LMO2: variants seen among roughly 807,000 people sequenced by gnomAD.
LMO2 encodes LIM domain only 2, also known as rhombotin-2.
Under a neutral mutation model 23.2 loss-of-function variants are expected in LMO2, and 20 were observed. That is an observed-to-expected ratio of 0.86 (90% CI 0.61 to 1.25). The LOEUF (loss-of-function observed/expected upper bound fraction) is 1.25. Among genes scored for constraint, LMO2 ranks in the 50% most tolerant of loss-of-function variants. The pLI is 0.00. For missense variants in LMO2, 270 were observed against 315.3 expected (o/e 0.86, Z 1.09); for synonymous variants, 123 against 130.2 (o/e 0.94, Z 0.38).
intron 1 of LMO2, among the ~76,000 whole-genome samples, chr11:33,891,335 G>C (rs1195294137): frequency 7.1e-6 from 1 of 141,072 alleles, no homozygotes; most frequent in Non-Finnish European, 1.5e-5. Flanking sequence ...ATTGCCTAAG[G>C]TTGTTAGGCA....
rs577723913 is a variant in LMO2, at chr11:33,891,790, C to G, written c.-336+5G>C. On this transcript the variant is annotated splice_donor_5th_base_variant and intron_variant, in intron 1 of 5. Transcript: ENST00000257818. ...TTCATCAGAGAATTAATGAAGCCTA[C>G]TCACCAGCAGATGATGTAATCCTGG... 2 of 152,188 alleles carry G rather than the reference C, an allele frequency of 1.3e-5. No individual in the cohort carries two copies. The highest frequency in any genetic ancestry group is 2.9e-5 in the Non-Finnish European group (2 of 68,050). 9.4% of individuals were successfully genotyped at this position (152,188 alleles called of 1,614,324 possible). A position where few individuals can be genotyped will look rare whatever the true frequency, so the allele number is the denominator to read the frequency against.
rs967369301 is a variant in LMO2 at position 33,864,976 on chromosome 11, A to T, written c.249-159T>A. The stretch of plus-strand genomic sequence containing the variant: ...AACACATCCCTTGGCCAGACTGCAG[A>T]GTCCCAACCAACCTTGGGTTAAGAC... On this transcript the variant is annotated intron_variant, in intron 4 of 5. Transcript: ENST00000257818. The surrounding 1 kb of genome is among the most constrained non-coding windows in gnomAD (Gnocchi z 4.8). 4.4e-6 allele frequency: 3 copies of T among 687,276 alleles called. No individual in the cohort carries two copies. The highest frequency in any genetic ancestry group is 7.8e-6 in the Non-Finnish European group (3 of 384,182). 42.6% of individuals were successfully genotyped at this position (687,276 alleles called of 1,614,324 possible). A position where few individuals can be genotyped will look rare whatever the true frequency, so the allele number is the denominator to read the frequency against.
intron 2 of LMO2, 68 bp from the exon 3 acceptor site, chr11:33,870,055 T>A: frequency 1.6e-5 from 7 of 442,540 alleles, no homozygotes; most frequent in African/African-American, 2.2e-5. Context: ...TCCCCCCACC[T>A]CCCCTTTTTT....
Position 33,873,624 on chromosome 11 carries a change from T to A in LMO2, c.-271-3637A>T, listed in dbSNP as rs1435232020. ...GGTTCTTTTAAAAGTTGAGAAAATCTCTATTTGATCCCTGCCAGTGGGACT... is the reference window on the plus strand; with the variant it reads ...GGTTCTTTTAAAAGTTGAGAAAATCACTATTTGATCCCTGCCAGTGGGACT... On this transcript the variant is annotated intron_variant, in intron 2 of 5. Coordinates refer to ENST00000257818, the MANE Select transcript of LMO2 (RefSeq NM_005574.4). Among the ~76,000 whole-genome samples, 2 of 152,204 alleles carry A rather than the reference T, an allele frequency of 1.3e-5. 1 individual carries two copies. Among genetic ancestry groups the A allele is most frequent in the East Asian group, 3.8e-4 (2 of 5,198 alleles).
At chr11:33,863,033 G>A (rs769801214) in intron 5 of LMO2, among the ~76,000 whole-genome samples, 10 of 151,834 alleles carry the variant, frequency 6.6e-5, no homozygotes, top group African/African-American at 9.7e-5. Flanking sequence ...TATATAAAAC[G>A]GTAGAGATAG....
At position 33,891,381 on chromosome 11, in the gene LMO2, A is replaced by G. The variant is rs11032441; in HGVS notation, c.-336+414T>C. On this transcript the variant is annotated intron_variant, in intron 1 of 5. Transcript: ENST00000257818. ...CACACACACACACACACACACACAC[A>G]CACACACATGCACACACACTCACAC... Among the ~76,000 whole-genome samples, 224 of 126,906 alleles carry G rather than the reference A, an allele frequency of 1.8e-3. 2 individuals carry two copies. The highest frequency in any genetic ancestry group is 6.1e-3 in the African/African-American group (198 of 32,416). 83.3% of individuals were successfully genotyped at this position (126,906 alleles called of 152,430 possible). A position where few individuals can be genotyped will look rare whatever the true frequency, so the allele number is the denominator to read the frequency against.
At chr11:33,885,916 C>G (rs894063870) in intron 1 of LMO2, among the ~76,000 whole-genome samples, 1 of 152,056 alleles carries the variant, frequency 6.6e-6, no homozygotes, top group African/African-American at 2.4e-5. Context: ...GCTCTTGTCA[C>G]CTAGGCTGGA....
At chr11:33,873,024 C>T (rs1456555885) in intron 2 of LMO2, among the ~76,000 whole-genome samples, 3 of 152,132 alleles carry the variant, frequency 2.0e-5, no homozygotes, top group African/African-American at 7.2e-5. Context: ...CAGCCTCCCA[C>T]AGTGCTGGGA....
chr11:33,864,488 T>C lies in LMO2; in HGVS notation c.464+114A>G, dbSNP rs974227690. Reference sequence around the variant, plus strand: ...CAGCCTCTGCAGTCTGACCTCTTTCTATAGGTGGTGTCCGAGCCTGGAGCA... The same window carrying C: ...CAGCCTCTGCAGTCTGACCTCTTTCCATAGGTGGTGTCCGAGCCTGGAGCA... On this transcript the variant is annotated intron_variant, in intron 5 of 5. Transcript: ENST00000257818. The surrounding 1 kb of genome is among the most constrained non-coding windows in gnomAD (Gnocchi z 4.8). The C allele has an allele frequency of 9.2e-5, 72 of 784,700 alleles. No individual in the cohort carries two copies. Among genetic ancestry groups the C allele is most frequent in the Non-Finnish European group, 1.0e-4 (49 of 491,672 alleles). 48.6% of individuals were successfully genotyped at this position (784,700 alleles called of 1,614,324 possible).
chr11:33,880,644 G>C lies in LMO2; in HGVS notation c.-272+1180C>G, dbSNP rs1467187663. On this transcript the variant is annotated intron_variant, in intron 2 of 5. Coordinates refer to ENST00000257818, the MANE Select transcript of LMO2 (RefSeq NM_005574.4). The surrounding 1 kb of genome is among the most constrained non-coding windows in gnomAD (Gnocchi z 4.3). ...TTAATGCCACTGAACTGTACCCTTG[G>C]GAGTGGTTAAATGTTAAATTTTACG... 6.4e-6 allele frequency: 1 copy of C among 157,240 alleles called. No homozygotes were observed. Among genetic ancestry groups the C allele is most frequent in the Non-Finnish European group, 1.4e-5 (1 of 71,182 alleles). The allele number at this position is 157,240 out of a possible 1,614,324, so 9.7% of individuals were successfully genotyped here.
intron 2 of LMO2, among the ~76,000 whole-genome samples, chr11:33,874,530 T>G (rs1321363705): frequency 2.0e-5 from 3 of 152,244 alleles, no homozygotes; most frequent in Non-Finnish European, 4.4e-5. Context: ...AAAAATACTT[T>G]GCACAGTGAT....
chr11:33,859,691 G>C (rs1590625087), intron 5 of LMO2, 116 bp from the exon 6 acceptor site: 1 of 887,986 alleles, frequency 1.1e-6, no homozygotes, highest in East Asian at 2.6e-5. Context: ...GGAAGCCAGG[G>C]AAGGTCGGCT....
intron 1 of LMO2, among the ~76,000 whole-genome samples, chr11:33,883,019 A>G (rs778563622): frequency 2.0e-5 from 3 of 152,220 alleles, no homozygotes; most frequent in Non-Finnish European, 2.9e-5. Context: ...GATCTAAAAA[A>G]TAGCCTCCTC....
chr11:33,889,518 A>C, intron 1 of LMO2, among the ~76,000 whole-genome samples: 1 of 152,238 alleles, frequency 6.6e-6, no homozygotes, highest in African/African-American at 2.4e-5. Context: ...AGCAGTGAGG[A>C]GGAAGCATCC....
intron 5 of LMO2, among the ~76,000 whole-genome samples, chr11:33,862,036 G>C (rs1856600860): frequency 1.3e-5 from 2 of 152,230 alleles, no homozygotes; most frequent in Non-Finnish European, 2.9e-5. Flanking sequence ...CTGGCACCAA[G>C]AATTGGTATC....
At chr11:33,879,889 T>C (rs1438128347) in intron 2 of LMO2, among the ~76,000 whole-genome samples, 1 of 152,164 alleles carries the variant, frequency 6.6e-6, no homozygotes, top group African/African-American at 2.4e-5. Flanking sequence ...ACTTGTGTAT[T>C]GCTGGTGGGA....
At chr11:33,865,087 T>C in intron 4 of LMO2, 1 of 515,704 alleles carries the variant, frequency 1.9e-6, no homozygotes, top group African/African-American at 1.9e-5. Flanking sequence ...CAGGTGGCAC[T>C]GTGCCCCTGC....
rs753170722 is a variant in LMO2 at position 33,875,688 on chromosome 11, T to C, written c.-271-5701A>G. ...CAGCTCCTTCTTCCACCTCAGGCCA[T>C]TGTCAAACCTTCCCCCACCTTCTCC... is the stretch of plus-strand genomic sequence containing the variant. On this transcript the variant is annotated intron_variant, in intron 2 of 5. Transcript: ENST00000257818. Among the ~76,000 whole-genome samples the C allele has an allele frequency of 5.9e-5, 9 of 151,978 alleles. 1 individual carries two copies. The highest frequency in any genetic ancestry group is 4.4e-5 in the Non-Finnish European group (3 of 68,006).
intron 2 of LMO2, among the ~76,000 whole-genome samples, chr11:33,873,483 T>C (rs1857071542): frequency 6.6e-6 from 1 of 152,272 alleles, no homozygotes; most frequent in African/African-American, 2.4e-5. Context: ...AATGTGTTTT[T>C]ATTATGAATA....
Sources: allele counts gnomAD v4.1 joint callset (sites outside exome capture counted in the v4.1 genomes callset), GRCh38; gene constraint gnomAD v4.1.1; non-coding constraint Gnocchi (gnomAD v3.1); transcripts MANE v1.5; gene names NCBI Gene and HGNC (gene_info 2026-07-23, HGNC 2026-07-21).